GLRA2: variants seen among roughly 807,000 people sequenced by gnomAD.
GLRA2 encodes the protein glycine receptor subunit alpha-2.
GLRA2 carries 11 observed loss-of-function variants against 31.6 expected under a neutral mutation model. That is an observed-to-expected ratio of 0.35 (90% CI 0.22 to 0.58). The LOEUF is 0.58. GLRA2 is among the 20% of genes least tolerant of loss of function. The pLI is 0.84. For missense variants in GLRA2, 212 were observed against 351.8 expected (o/e 0.60, Z 3.18); for synonymous variants, 132 against 134.0 (o/e 0.99, Z 0.10).
At chrX:14,560,995 T>C (rs1033769766) in intron 2 of GLRA2, among the ~76,000 whole-genome samples, 10 of 111,119 alleles carry the variant, frequency 9.0e-5, no homozygotes, top group African/African-American at 3.3e-4. Context: ...AAGTCTCATG[T>C]ATGTTTATGA....
the GLRA2 span, among the ~76,000 whole-genome samples, chrX:14,469,089 C>T: frequency 5.7e-4 from 63 of 111,382 alleles, no homozygotes; most frequent in Admixed American, 7.6e-4. Flanking sequence ...GAGTAGGTTG[C>T]GAAGATTTTC....
intron 4 of GLRA2, among the ~76,000 whole-genome samples, chrX:14,586,198 G>A (rs916935544): frequency 9.0e-6 from 1 of 111,415 alleles, no homozygotes; most frequent in Non-Finnish European, 1.9e-5. Context: ...CCAGAACTCC[G>A]TAAGTGTCAT....
At chrX:14,559,433 T>C (rs1383569946) in intron 2 of GLRA2, among the ~76,000 whole-genome samples, 1 of 81,583 alleles carries the variant, frequency 1.2e-5, no homozygotes, top group African/African-American at 4.7e-5. Context: ...TTTTTTTTTT[T>C]TTTTTTTTTT....
rs1320473948 is a variant in GLRA2 at position 14,529,851 on chromosome X, C to G, written c.-207C>G. 2.3e-6 allele frequency: 1 copy of G among 432,449 alleles called. No homozygotes were observed. The highest frequency in any genetic ancestry group is 4.0e-6 in the Non-Finnish European group (1 of 249,377). 35.6% of individuals were successfully genotyped at this position (432,449 alleles called of 1,213,427 possible). A position where few individuals can be genotyped will look rare whatever the true frequency, so the allele number is the denominator to read the frequency against. On this transcript the variant is annotated 5_prime_UTR_variant, in exon 1 of 9. Coordinates refer to ENST00000218075, the MANE Select transcript of GLRA2 (RefSeq NM_002063.4). Reference sequence around the variant, plus strand: ...GTCTTTCTGGGTTAACTGATGGTCCCAAGCCTCGGTTTGACCTGACCATGA... The same window carrying G: ...GTCTTTCTGGGTTAACTGATGGTCCGAAGCCTCGGTTTGACCTGACCATGA...
At chrX:14,464,475 A>C in the GLRA2 span, among the ~76,000 whole-genome samples, 6 of 112,247 alleles carry the variant, frequency 5.3e-5, no homozygotes, top group African/African-American at 1.9e-4. Flanking sequence ...GCCTTTGTTG[A>C]AAGTGAGTTG....
chrX:14,513,251 T>C, the GLRA2 span, among the ~76,000 whole-genome samples: 1 of 111,512 alleles, frequency 9.0e-6, no homozygotes, highest in South Asian at 3.7e-4. Context: ...ATCTCTCAAC[T>C]TATACAAAAA....
chrX:14,551,542 C>T lies in GLRA2; in HGVS notation c.202+19170C>T, dbSNP rs1222281732. 2.7e-5 allele frequency among the ~76,000 whole-genome samples: 3 copies of T among 111,317 alleles called. No homozygotes were observed. The East Asian group carries it at 8.5e-4, about 31-fold the overall frequency. Reference sequence around the variant, plus strand: ...ACAGAAGAGATACAGGGACTACTTCCTCCATGGGCTACACATTACATGACT... The same window carrying T: ...ACAGAAGAGATACAGGGACTACTTCTTCCATGGGCTACACATTACATGACT... On this transcript the variant is annotated intron_variant, in intron 2 of 8. Transcript: ENST00000218075.
chrX:14,624,253 A>T (rs1165254432), intron 7 of GLRA2, among the ~76,000 whole-genome samples: 3 of 110,150 alleles, frequency 2.7e-5, no homozygotes, highest in Non-Finnish European at 5.7e-5. Context: ...CTTCTTTATT[A>T]TTCTTGCTAG....
the GLRA2 span, among the ~76,000 whole-genome samples, chrX:14,451,644 CAAAAAAAAAAA>C: frequency 2.5e-5 from 1 of 40,017 alleles, no homozygotes; most frequent in African/African-American, 1.1e-4. Flanking sequence ...ACTCTGTCTC[CAAAAAAAAAAA>C]AAAAAAAAAA....
intron 7 of GLRA2, among the ~76,000 whole-genome samples, chrX:14,625,797 T>A (rs763093814): frequency 8.9e-6 from 1 of 111,993 alleles, no homozygotes; most frequent in East Asian, 2.8e-4. Flanking sequence ...CTCTAAATTT[T>A]ACTGTTATGT....
At chrX:14,693,005 C>A (rs2091384132) in intron 8 of GLRA2, among the ~76,000 whole-genome samples, 1 of 108,406 alleles carries the variant, frequency 9.2e-6, no homozygotes, top group African/African-American at 3.4e-5. Flanking sequence ...AACTAACCTG[C>A]ACATTGTGCA....
At chrX:14,604,834 A>C (rs181668796) in intron 5 of GLRA2, among the ~76,000 whole-genome samples, 48 of 110,556 alleles carry the variant, frequency 4.3e-4, no homozygotes, top group African/African-American at 1.5e-3. Flanking sequence ...CCCAAAAGGA[A>C]TTCTGGCAGG....
chrX:14,610,971 T>G (rs1222645163), intron 7 of GLRA2, among the ~76,000 whole-genome samples: 1 of 112,251 alleles, frequency 8.9e-6, no homozygotes, highest in African/African-American at 3.2e-5. Flanking sequence ...TCAAAAATCA[T>G]TTTACACTTG....
At chrX:14,698,309 A>G (rs2091478968) in intron 8 of GLRA2, among the ~76,000 whole-genome samples, 1 of 111,334 alleles carries the variant, frequency 9.0e-6, no homozygotes, top group Non-Finnish European at 1.9e-5. Context: ...GGGCCCACCT[A>G]GTCATGAACT....
At position 14,720,949 on chromosome X, in the gene GLRA2, T is replaced by C. The variant is rs747551382; in HGVS notation, c.1081-9258T>C. On this transcript the variant is annotated intron_variant, in intron 8 of 8. Transcript: ENST00000218075. ...GAGTTTGGGACCAGCCTGGACAATATAGTGAGACCCCCACCTCTACAAAAA... is the reference window on the plus strand; with the variant it reads ...GAGTTTGGGACCAGCCTGGACAATACAGTGAGACCCCCACCTCTACAAAAA... 7.3e-5 allele frequency among the ~76,000 whole-genome samples: 8 copies of C among 109,256 alleles called. No homozygotes were observed. The South Asian group carries it at 1.2e-3, about 17-fold the overall frequency. 94.9% of individuals were successfully genotyped at this position (109,256 alleles called of 115,157 possible). A position where few individuals can be genotyped will look rare whatever the true frequency, so the allele number is the denominator to read the frequency against.
At chrX:14,504,016 A>T in the GLRA2 span, among the ~76,000 whole-genome samples, 1 of 111,338 alleles carries the variant, frequency 9.0e-6, no homozygotes, top group Non-Finnish European at 1.9e-5. Context: ...CCTAAATTCC[A>T]TTTCAAAACT....
chrX:14,509,946 T>C, the GLRA2 span, among the ~76,000 whole-genome samples: 3 of 111,563 alleles, frequency 2.7e-5, no homozygotes, highest in East Asian at 8.4e-4. Context: ...CTAGCAAAAA[T>C]AGAAGGTGAC....
the GLRA2 span, among the ~76,000 whole-genome samples, chrX:14,489,431 C>T: frequency 1.8e-5 from 2 of 111,233 alleles, no homozygotes; most frequent in African/African-American, 6.5e-5. Flanking sequence ...AATTTAGGCT[C>T]GCAGACGATT....
At chrX:14,504,989 C>T in the GLRA2 span, among the ~76,000 whole-genome samples, 23 of 111,905 alleles carry the variant, frequency 2.1e-4, no homozygotes, top group Admixed American at 7.6e-4. Flanking sequence ...AAGGTGTCAG[C>T]AGTTACTTCA....
Sources: allele counts gnomAD v4.1 joint callset (sites outside exome capture counted in the v4.1 genomes callset), GRCh38; gene constraint gnomAD v4.1.1; transcripts MANE v1.5; gene names NCBI Gene and HGNC (gene_info 2026-07-23, HGNC 2026-07-21).